CNTFR: variants seen among roughly 807,000 people sequenced by gnomAD.
The protein encoded by CNTFR is ciliary neurotrophic factor receptor, also known as ciliary neurotrophic factor receptor subunit alpha.
Under a neutral mutation model 40.4 loss-of-function variants are expected in CNTFR, and 12 were observed. The ratio of observed to expected loss-of-function variants is 0.30; its 90% confidence interval spans 0.19 to 0.48. The LOEUF (loss-of-function observed/expected upper bound fraction) is 0.48, where lower values mean the gene tolerates loss of function less well. Ranked by LOEUF, CNTFR falls within the 20% of genes least tolerant of loss-of-function variation. The probability of loss-of-function intolerance (pLI) is 0.99; values close to 1 mark genes in which losing one functional copy is unlikely to be tolerated. For missense variants in CNTFR, 414 were observed against 506.8 expected, an observed-to-expected ratio of 0.82 and a Z score of 1.76; for synonymous variants, 202 against 209.6, an observed-to-expected ratio of 0.96 and a Z score of 0.31.
At chr9:34,586,349 G>T (rs921205926) in intron 1 of CNTFR, among the ~76,000 whole-genome samples, 4 of 152,172 alleles carry the variant, frequency 2.6e-5, no homozygotes, top group Non-Finnish European at 5.9e-5. Context: ...CCCAGCCAGG[G>T]CAGAGAAGAG....
chr9:34,564,842 G>A lies in CNTFR; in HGVS notation c.86-10C>T, dbSNP rs573942894. The A allele has an allele frequency of 3.4e-5, 55 of 1,611,438 alleles. 3 individuals are homozygous for A. In the South Asian group the frequency reaches 5.8e-4, roughly 17 times the overall value. Reference sequence around the variant, plus strand: ...TGCACATGGGGTGCCTCTGTGGGGGGTGGGGGCACAGGGCAAAAGTCACAG... The same window carrying A: ...TGCACATGGGGTGCCTCTGTGGGGGATGGGGGCACAGGGCAAAAGTCACAG... On this transcript the variant is annotated splice_polypyrimidine_tract_variant and intron_variant, in intron 3 of 9. Coordinates refer to ENST00000378980, the MANE Select transcript of CNTFR (RefSeq NM_147164.3).
At position 34,552,228 on chromosome 9, in the gene CNTFR, A is replaced by G. The variant is rs1351474999; in HGVS notation, c.1051T>C (p.Leu351=). 1 of 1,566,570 alleles carries G rather than the reference A, an allele frequency of 6.4e-7. No individual in the cohort carries two copies. The highest frequency in any genetic ancestry group is 1.9e-5 in the Admixed American group (1 of 53,236). ...GSGGGPSAPF[L]VSVPITLALA... ...GCCAGAGTGATGGGGACGCTGACCA[A>G]GAAGGGTGCCGAGGGTCCCCCGCCG... The change falls in exon 9 of 10, where the codon TTG becomes CTG. Residue 351 remains leucine, a synonymous_variant. Coordinates refer to ENST00000378980, the MANE Select transcript of CNTFR (RefSeq NM_147164.3). This position sits in a 1 kb window ranked among gnomAD's most constrained non-coding sequence, Gnocchi z 5.1.
intron 4 of CNTFR, among the ~76,000 whole-genome samples, chr9:34,560,173 C>T (rs921377237): frequency 4.6e-5 from 7 of 152,000 alleles, no homozygotes; most frequent in Non-Finnish European, 7.4e-5. Flanking sequence ...GCTGAGGGGC[C>T]GGGTGGGCGG....
chr9:34,555,891 T>G, intron 7 of CNTFR, among the ~76,000 whole-genome samples: 1 of 137,764 alleles, frequency 7.3e-6, no homozygotes, highest in South Asian at 2.4e-4. Flanking sequence ...CTGCCCGCCA[T>G]CTCCCTCCCC....
chr9:34,563,540 G>A (rs578148833), intron 4 of CNTFR, among the ~76,000 whole-genome samples: 2 of 152,292 alleles, frequency 1.3e-5, no homozygotes, highest in South Asian at 2.1e-4. Context: ...ATTCCTTCAC[G>A]GTATTTCCTT....
At chr9:34,559,142 C>T (rs868663779) in intron 4 of CNTFR, among the ~76,000 whole-genome samples, 8 of 152,192 alleles carry the variant, frequency 5.3e-5, no homozygotes, top group Non-Finnish European at 1.0e-4. Flanking sequence ...AGGGGGGCAG[C>T]GCAATAAGCC....
chr9:34,559,136 G>A (rs1354825085), intron 4 of CNTFR, among the ~76,000 whole-genome samples: 1 of 152,166 alleles, frequency 6.6e-6, no homozygotes, highest in African/African-American at 2.4e-5. Flanking sequence ...AATGGGAGGG[G>A]GGCAGCGCAA....
chr9:34,567,937 A>G (rs1235753615), intron 3 of CNTFR: 1 of 152,244 alleles, frequency 6.6e-6, no homozygotes, highest in Non-Finnish European at 1.5e-5. Flanking sequence ...GGGGCTGGCC[A>G]GGATCTCTCC....
intron 2 of CNTFR, chr9:34,569,609 C>T (rs898280079): frequency 6.5e-6 from 1 of 152,984 alleles, no homozygotes; most frequent in African/African-American, 2.4e-5. Context: ...GTCCCCGACA[C>T]CCCTGTGGTG....
chr9:34,574,498 G>A (rs1564070699), intron 2 of CNTFR, among the ~76,000 whole-genome samples: 1 of 152,210 alleles, frequency 6.6e-6, no homozygotes. Context: ...TCAGTCCTCA[G>A]GGGAAATGAC....
intron 2 of CNTFR, among the ~76,000 whole-genome samples, chr9:34,578,581 T>G (rs927447576): frequency 1.3e-5 from 2 of 152,144 alleles, no homozygotes; most frequent in African/African-American, 4.8e-5. Context: ...CGGCCCCAGC[T>G]CCCGGCTACC....
chr9:34,582,031 T>C (rs1317694978), intron 1 of CNTFR, among the ~76,000 whole-genome samples: 2 of 152,104 alleles, frequency 1.3e-5, no homozygotes, highest in Non-Finnish European at 2.9e-5. Context: ...CCCAGCACTT[T>C]GGGAGGCTGA....
chr9:34,564,480 G>A (rs1826194799), intron 4 of CNTFR, 119 bp downstream of exon 4: 2 of 955,716 alleles, frequency 2.1e-6, no homozygotes, highest in Admixed American at 2.1e-5. Flanking sequence ...GAGGGCAAGG[G>A]TCAGGCTGCA....
rs1162267325 is a variant in CNTFR at position 34,557,941 on chromosome 9, G to A, written c.363C>T (p.Tyr121=). The part of the protein sequence containing the change: ...EPVLSCRSNT[Y]PKGFYCSWHL... ...GCCAGCTGCAGTAGAAGCCCTTGGG[G>A]TAAGTGTTGGAGCGGCAGCTGAGCA... Residue 121 remains tyrosine (Y), a synonymous_variant, in exon 5 of 10, where the codon TAC becomes TAT. Coordinates refer to ENST00000378980, the MANE Select transcript of CNTFR (RefSeq NM_147164.3). The surrounding 1 kb of genome is among the most constrained non-coding windows in gnomAD (Gnocchi z 4.2). The A allele has an allele frequency of 1.3e-6, 2 of 1,572,460 alleles. No homozygotes were observed. The highest frequency in any genetic ancestry group is 1.2e-5 in the South Asian group (1 of 83,442).
chr9:34,564,923 G>A lies in CNTFR; in HGVS notation c.86-91C>T, dbSNP rs530523136. Reference sequence around the variant, plus strand: ...GCGTGCTCAGACAAGAGCCTGTGAGGATGGATGAGTGAGGACGAGAGGCTC... The same window carrying A: ...GCGTGCTCAGACAAGAGCCTGTGAGAATGGATGAGTGAGGACGAGAGGCTC... On this transcript the variant is annotated intron_variant, in intron 3 of 9. Coordinates refer to ENST00000378980, the MANE Select transcript of CNTFR (RefSeq NM_147164.3). The A allele has an allele frequency of 2.8e-6, 3 of 1,090,896 alleles. No individual in the cohort carries two copies. The African/African-American group carries it at 4.6e-5, about 17-fold the overall frequency. The allele number at this position is 1,090,896 out of a possible 1,614,324, so 67.6% of individuals were successfully genotyped here.
In CNTFR at chr9:34,552,637, CAGCAAAGCCAGG is replaced by C; in HGVS notation, c.949+25_949+36del. 1.3e-6 allele frequency: 2 copies of C among 1,599,484 alleles called. No individual in the cohort carries two copies. Among genetic ancestry groups the C allele is most frequent in the Non-Finnish European group, 1.7e-6 (2 of 1,174,586 alleles). ...CAGGTTCTACCACAGGCCTCCAGGA[CAGCAAAGCCAGG>C]AGGTAGGGGCGGGAGCAAGCTCACC... On this transcript the variant is annotated intron_variant, in intron 8 of 9. Coordinates refer to ENST00000378980, the MANE Select transcript of CNTFR (RefSeq NM_147164.3). This position sits in a 1 kb window ranked among gnomAD's most constrained non-coding sequence, Gnocchi z 5.1.
intron 7 of CNTFR, among the ~76,000 whole-genome samples, chr9:34,555,581 G>A (rs1004039078): frequency 5.3e-5 from 8 of 151,948 alleles, no homozygotes; most frequent in East Asian, 1.9e-4. Flanking sequence ...ACCCCATACT[G>A]ACCCTTGTCC....
intron 3 of CNTFR, among the ~76,000 whole-genome samples, chr9:34,566,880 G>A (rs940277457): frequency 1.3e-5 from 2 of 152,084 alleles, no homozygotes; most frequent in Non-Finnish European, 2.9e-5. Flanking sequence ...AAGTAGAAAC[G>A]CAACCTGACA....
chr9:34,580,097 C>T (rs1827210278), intron 2 of CNTFR: 1 of 152,268 alleles, frequency 6.6e-6, no homozygotes. Flanking sequence ...TTCTCTTCTC[C>T]AGCTCCTGTC....
Sources: allele counts gnomAD v4.1 joint callset (sites outside exome capture counted in the v4.1 genomes callset), GRCh38; gene constraint gnomAD v4.1.1; non-coding constraint Gnocchi (gnomAD v3.1); transcripts MANE v1.5; gene names NCBI Gene and HGNC (gene_info 2026-07-23, HGNC 2026-07-21).